AGR2: variants seen among roughly 807,000 people sequenced by gnomAD.
AGR2 encodes the protein anterior gradient protein 2 homolog.
In AGR2, 27 loss-of-function variants were observed where a neutral mutation model predicts 25.9. That is an observed-to-expected ratio of 1.04 (90% CI 0.77 to 1.44). AGR2 has a LOEUF of 1.44. Among genes scored for constraint, AGR2 ranks in the 40% most tolerant of loss-of-function variants. AGR2 has a pLI of 0.00. For missense variants in AGR2, 182 were observed against 200.9 expected, an observed-to-expected ratio of 0.91 and a Z score of 0.57; for synonymous variants, 78 against 72.0, an observed-to-expected ratio of 1.08 and a Z score of -0.42.
chr7:16,796,467 T>C (rs117633375), intron 6 of AGR2, among the ~76,000 whole-genome samples: 1 of 152,246 alleles, frequency 6.6e-6, no homozygotes, highest in Non-Finnish European at 1.5e-5. Flanking sequence ...CAGTGTAAAC[T>C]TTTAATGAAT....
chr7:16,801,990 C>A (rs1042426577), intron 1 of AGR2, among the ~76,000 whole-genome samples, 187 bp from the exon 2 acceptor site: 1 of 150,764 alleles, frequency 6.6e-6, no homozygotes, highest in Non-Finnish European at 1.5e-5. Flanking sequence ...CTTTGACTTA[C>A]AATTGAGTAA....
At chr7:16,794,840 C>T (rs955069658) in intron 7 of AGR2, 96 bp downstream of exon 7, 1 of 1,587,634 alleles carries the variant, frequency 6.3e-7, no homozygotes, top group Admixed American at 1.8e-5. Context: ...CTAAGCCTAG[C>T]TCTCTCTCAC....
intron 6 of AGR2, among the ~76,000 whole-genome samples, chr7:16,795,464 A>T (rs918404956): frequency 2.6e-5 from 4 of 152,118 alleles, no homozygotes; most frequent in African/African-American, 9.7e-5. Flanking sequence ...TTTTTAAAAA[A>T]AGTTAATAGA....
intron 1 of AGR2, among the ~76,000 whole-genome samples, chr7:16,802,627 A>C (rs1785167713): frequency 6.6e-6 from 1 of 152,202 alleles, no homozygotes; most frequent in South Asian, 2.1e-4. Flanking sequence ...TCATAAAGTC[A>C]AAAAATTAAG....
intron 5 of AGR2, among the ~76,000 whole-genome samples, chr7:16,799,316 G>C (rs1357490788): frequency 6.6e-6 from 1 of 152,140 alleles, no homozygotes; most frequent in African/African-American, 2.4e-5. Context: ...AGCACCGTGA[G>C]GGGTGGTAGT....
chr7:16,799,210 A>G (rs1459496665), intron 5 of AGR2, among the ~76,000 whole-genome samples: 1 of 152,196 alleles, frequency 6.6e-6, no homozygotes, highest in East Asian at 1.9e-4. Context: ...AAAAGGACAT[A>G]TGATTAGGTA....
intron 1 of AGR2, among the ~76,000 whole-genome samples, chr7:16,804,053 A>G (rs1231748646): frequency 2.0e-5 from 3 of 152,132 alleles, no homozygotes; most frequent in African/African-American, 7.2e-5. Context: ...GGAACTATTG[A>G]TATATTGCTT....
chr7:16,799,877 A>T (rs2272245), intron 4 of AGR2, 60 bp from the exon 5 acceptor site: 513,892 of 1,172,480 alleles, frequency 0.44, 114,039 homozygotes, highest in Admixed American at 0.53. Flanking sequence ...AGCTTTGTTC[A>T]ATTTTCAGTT....
rs949308100 is a variant in AGR2 at position 16,792,446 on chromosome 7, A to G, written c.*462T>C. The G allele has an allele frequency of 6.4e-6, 1 of 155,578 alleles. No homozygotes were observed. Among genetic ancestry groups the G allele is most frequent in the Non-Finnish European group, 1.4e-5 (1 of 70,042 alleles). 9.6% of individuals were successfully genotyped at this position (155,578 alleles called of 1,614,324 possible). On this transcript the variant is annotated 3_prime_UTR_variant, in exon 8 of 8. Coordinates refer to ENST00000419304, the MANE Select transcript of AGR2 (RefSeq NM_006408.4). ...TAAATATTCTTTTATGCTAAAGCAC[A>G]TGGCTTGATACTTCTGTTGATTAAG...
In AGR2 at chr7:16,792,608, A is replaced by T; in HGVS notation, c.*300T>A. On this transcript the variant is annotated 3_prime_UTR_variant, in exon 8 of 8. Transcript: ENST00000419304. ...GAGCATTTTGTGTGTGTTTAATCCT[A>T]TTTGGTAAACGAACCACTGTGAAAG... is the stretch of plus-strand genomic sequence containing the variant. 2.9e-6 allele frequency: 1 copy of T among 342,502 alleles called. No individual in the cohort carries two copies. The highest frequency in any genetic ancestry group is 5.4e-6 in the Non-Finnish European group (1 of 185,632). The allele number at this position is 342,502 out of a possible 1,614,324, so 21.2% of individuals were successfully genotyped here. A position where few individuals can be genotyped will look rare whatever the true frequency, so the allele number is the denominator to read the frequency against.
intron 1 of AGR2, among the ~76,000 whole-genome samples, chr7:16,802,824 TA>T (rs1785171752): frequency 6.6e-6 from 1 of 152,146 alleles, no homozygotes; most frequent in Non-Finnish European, 1.5e-5. Flanking sequence ...CTCTAGTAGC[TA>T]AGAAAATTTA....
chr7:16,803,218 C>T (rs1785179744), intron 1 of AGR2: 1 of 152,130 alleles, frequency 6.6e-6, no homozygotes, highest in East Asian at 1.9e-4. Flanking sequence ...AAGGAAAGTA[C>T]ATGGCAAGAT....
At chr7:16,801,262 G>A in intron 3 of AGR2, 58 bp downstream of exon 3, 3 of 1,606,192 alleles carry the variant, frequency 1.9e-6, no homozygotes, top group South Asian at 2.2e-5. Flanking sequence ...ATATCTAGAT[G>A]TCACTAGGTG....
intron 7 of AGR2, among the ~76,000 whole-genome samples, chr7:16,793,461 C>T (rs948226537): frequency 5.3e-5 from 8 of 152,172 alleles, no homozygotes; most frequent in Admixed American, 4.6e-4. Flanking sequence ...GTCATTCCTT[C>T]CCAGATCCTT....
At chr7:16,804,027 C>G (rs1326915160) in intron 1 of AGR2, among the ~76,000 whole-genome samples, 8 of 152,102 alleles carry the variant, frequency 5.3e-5, no homozygotes, top group Admixed American at 1.3e-4. Context: ...TGCAGTATCT[C>G]CAAAGATCAC....
rs113991647 is a variant in AGR2 at position 16,804,267 on chromosome 7, T to TACACACACAC, written c.-8+658_-8+667dup. ...ATTTGGAGACACACACAGACATAGGTACACACACACACACACACACACACA... is the reference window on the plus strand; with the variant it reads ...ATTTGGAGACACACACAGACATAGGTACACACACACACACACACACACACACACACACACA... On this transcript the variant is annotated intron_variant, in intron 1 of 7. Transcript: ENST00000419304. Among the ~76,000 whole-genome samples the TACACACACAC allele has an allele frequency of 5.8e-3, 628 of 107,578 alleles. 4 individuals carry two copies. The highest frequency in any genetic ancestry group is 0.014 in the African/African-American group (451 of 31,488). The allele number at this position is 107,578 out of a possible 152,430, so 70.6% of individuals were successfully genotyped here.
At chr7:16,799,628 T>A (rs1785108365) in intron 5 of AGR2, 116 bp downstream of exon 5, 1 of 622,336 alleles carries the variant, frequency 1.6e-6, no homozygotes, top group Non-Finnish European at 2.8e-6. Context: ...TGAGATGGGA[T>A]ATTTGGAAGC....
intron 5 of AGR2, 198 bp downstream of exon 5, chr7:16,799,546 A>C (rs1465568784): frequency 1.9e-6 from 1 of 515,396 alleles, no homozygotes. Context: ...TAAGATGATT[A>C]ATTACTAAAT....
chr7:16,804,315 C>G (rs1292813924), intron 1 of AGR2, among the ~76,000 whole-genome samples: 1 of 151,398 alleles, frequency 6.6e-6, no homozygotes, highest in Admixed American at 6.6e-5. Flanking sequence ...GAAGCCAGCA[C>G]TTTTTACTCA....
Sources: allele counts gnomAD v4.1 joint callset (sites outside exome capture counted in the v4.1 genomes callset), GRCh38; gene constraint gnomAD v4.1.1; transcripts MANE v1.5; gene names NCBI Gene and HGNC (gene_info 2026-07-23, HGNC 2026-07-21).